The following ALDH1A3 variants were observed in gnomAD, a reference collection of about 807,000 sequenced individuals.
ALDH1A3 encodes retinaldehyde dehydrogenase 3.
Under a neutral mutation model 57.5 loss-of-function variants are expected in ALDH1A3, and 28 were observed. The observed-to-expected ratio is 0.49, with a 90% CI of 0.36 to 0.67. The LOEUF (loss-of-function observed/expected upper bound fraction) is 0.67. ALDH1A3 is among the 30% of genes least tolerant of loss of function. The pLI is 0.00. For missense variants in ALDH1A3, 507 were observed against 669.4 expected, an observed-to-expected ratio of 0.76 and a Z score of 2.68; for synonymous variants, 281 against 264.8, an observed-to-expected ratio of 1.06 and a Z score of -0.59.
Position 100,894,219 on chromosome 15 carries a change from T to C in ALDH1A3, c.666+137T>C. On this transcript the variant is annotated intron_variant, in intron 6 of 12. Coordinates refer to ENST00000329841, the MANE Select transcript of ALDH1A3 (RefSeq NM_000693.4). The surrounding 1 kb of genome is among the most constrained non-coding windows in gnomAD (Gnocchi z 4.5). ...AAGGGAATGACTTCCAGTGTTTTGT[T>C]TGGCGACTGCACGTTCTTTCTCCTG... The C allele has an allele frequency of 1.8e-6, 2 of 1,130,800 alleles. No individual in the cohort carries two copies. Among genetic ancestry groups the C allele is most frequent in the Non-Finnish European group, 2.5e-6 (2 of 798,168 alleles). The allele number at this position is 1,130,800 out of a possible 1,614,324, so 70.0% of individuals were successfully genotyped here.
At chr15:100,905,463 T>C (rs894937467) in intron 9 of ALDH1A3, 60 bp from the exon 10 acceptor site, 20 of 1,605,788 alleles carry the variant, frequency 1.2e-5, no homozygotes, top group Non-Finnish European at 1.7e-5. Flanking sequence ...ACTGAAAACA[T>C]GAGATGGCAG....
rs1482837332 is a variant in ALDH1A3, at chr15:100,879,890, A to C, written c.-18A>C. ...GCCGCAGACTAGGGCGCCTCGGGCC[A>C]GGGAGCGCGGAGGAGCCATGGCCAC... On this transcript the variant is annotated 5_prime_UTR_variant, in exon 1 of 13. Transcript: ENST00000329841. 24 of 1,396,780 alleles carry C rather than the reference A, an allele frequency of 1.7e-5. No individual in the cohort carries two copies. The East Asian group carries it at 6.8e-4, about 40-fold the overall frequency. 86.5% of individuals were successfully genotyped at this position (1,396,780 alleles called of 1,614,324 possible). A position where few individuals can be genotyped will look rare whatever the true frequency, so the allele number is the denominator to read the frequency against.
rs143921917 is a variant in ALDH1A3, at chr15:100,906,144, A to T, written c.1233+457A>T. The stretch of plus-strand genomic sequence containing the variant: ...AATTTCAAGTGTTCACTCAAGGAAC[A>T]TGTCACAGCTGGAATTTTTATTGAC... On this transcript the variant is annotated intron_variant, in intron 10 of 12. Coordinates refer to ENST00000329841, the MANE Select transcript of ALDH1A3 (RefSeq NM_000693.4). This position sits in a 1 kb window ranked among gnomAD's most constrained non-coding sequence, Gnocchi z 4.8. Among the ~76,000 whole-genome samples, 1 of 152,324 alleles carries T rather than the reference A, an allele frequency of 6.6e-6. No homozygotes were observed. Among genetic ancestry groups the T allele is most frequent in the East Asian group, 1.9e-4 (1 of 5,188 alleles).
chr15:100,901,794 T>C (rs1418395468), intron 9 of ALDH1A3, among the ~76,000 whole-genome samples: 2 of 152,244 alleles, frequency 1.3e-5, no homozygotes, highest in East Asian at 3.8e-4. Context: ...CAGGCTGTCC[T>C]GTGGGGATGC....
intron 1 of ALDH1A3, among the ~76,000 whole-genome samples, chr15:100,882,717 G>A (rs1035600836): frequency 6.6e-6 from 1 of 152,130 alleles, no homozygotes; most frequent in Non-Finnish European, 1.5e-5. Context: ...CCTCTATAAG[G>A]TTTGTTGTAT....
At chr15:100,881,033 C>G (rs1362232721) in intron 1 of ALDH1A3, 1 of 152,298 alleles carries the variant, frequency 6.6e-6, no homozygotes, top group Non-Finnish European at 1.5e-5. Context: ...GCCCCCAACT[C>G]CAGCTGACAC....
Position 100,900,663 on chromosome 15 carries a change from G to T in ALDH1A3, c.972G>T (p.Glu324Asp), listed in dbSNP as rs991644861. The T allele has an allele frequency of 1.2e-6, 2 of 1,614,012 alleles. No homozygotes were observed. Among genetic ancestry groups the T allele is most frequent in the African/African-American group, 2.7e-5 (2 of 74,920 alleles). The change falls in exon 9 of 13, where the codon GAG becomes GAT. Residue 324 changes from glutamate (E) to aspartate (D), a missense_variant. Physicochemically the swap from Glu to Asp is conservative, Grantham distance 45. This residue lies in a region of ALDH1A3 where 432 missense variants were observed against 608.4 expected (regional missense o/e 0.71). Coordinates refer to ENST00000329841, the MANE Select transcript of ALDH1A3 (RefSeq NM_000693.4). ...CTAASRVFVE[E>D]QVYSEFVRRS... ...CAGCCTCCAGGGTGTTCGTGGAGGA[G>T]CAGGTCTACTCTGAGTTTGTCAGGC...
At chr15:100,904,873 C>G (rs1001135682) in intron 9 of ALDH1A3, among the ~76,000 whole-genome samples, 1 of 152,172 alleles carries the variant, frequency 6.6e-6, no homozygotes, top group African/African-American at 2.4e-5. Flanking sequence ...GAGGCTCATT[C>G]TGCTTTGTCC....
chr15:100,910,527 C>G (rs72765008), intron 12 of ALDH1A3, among the ~76,000 whole-genome samples: 1 of 152,212 alleles, frequency 6.6e-6, no homozygotes, highest in East Asian at 1.9e-4. Flanking sequence ...ACCATCCTCA[C>G]GCCCATCCAT....
intron 1 of ALDH1A3, among the ~76,000 whole-genome samples, chr15:100,882,865 A>G (rs76604486): frequency 0.024 from 3,601 of 152,296 alleles, 134 homozygotes; most frequent in African/African-American, 0.082. Context: ...TTTTGTTTTA[A>G]TGGAGAGAAA....
chr15:100,892,265 C>T, intron 3 of ALDH1A3: 1 of 491,142 alleles, frequency 2.0e-6, no homozygotes, highest in Non-Finnish European at 3.5e-6. Context: ...GGGTGCATGT[C>T]TATGTTTTAG....
intron 9 of ALDH1A3, among the ~76,000 whole-genome samples, chr15:100,902,153 G>A (rs996607465): frequency 7.9e-5 from 12 of 152,330 alleles, no homozygotes; most frequent in Middle Eastern, 3.4e-3. Context: ...TTACCCCGTC[G>A]TTATTTGTAA....
At chr15:100,886,428 C>A (rs1190735095) in intron 2 of ALDH1A3, among the ~76,000 whole-genome samples, 1 of 152,184 alleles carries the variant, frequency 6.6e-6, no homozygotes, top group African/African-American at 2.4e-5. Flanking sequence ...AGTGACTGTT[C>A]TGAGCCAGAG....
intron 11 of ALDH1A3, 29 bp downstream of exon 11, chr15:100,907,307 C>T (rs766829787): frequency 1.1e-5 from 18 of 1,601,538 alleles, no homozygotes; most frequent in Non-Finnish European, 1.5e-5. Flanking sequence ...TATTTCAGCT[C>T]TCCTGAGTTG....
intron 12 of ALDH1A3, among the ~76,000 whole-genome samples, chr15:100,908,692 C>A (rs1036878207): frequency 3.9e-5 from 6 of 152,234 alleles, no homozygotes; most frequent in Non-Finnish European, 8.8e-5. Context: ...AGCCTGCCCC[C>A]CTCCAGGCCT....
chr15:100,914,702 G>A lies in ALDH1A3; in HGVS notation c.1468G>A (p.Gly490Ser). Residue 490 changes from glycine (G) to serine (S), a missense_variant and splice_region_variant, in exon 13 of 13, where the codon GGT becomes AGT. Physicochemically the swap from Gly to Ser is moderately conservative, Grantham distance 56 (BLOSUM62 0). This residue lies in a region of ALDH1A3 where 432 missense variants were observed against 608.4 expected (regional missense o/e 0.71). Coordinates refer to ENST00000329841, the MANE Select transcript of ALDH1A3 (RefSeq NM_000693.4). ...TTTTCCTCTTTTCTGTGATCACAGA[G>A]GTGAATACGCTTTGGCCGAATACAC... ...FKMSGNGREL[G>S]EYALAEYTEV... 6.2e-7 allele frequency: 1 copy of A among 1,613,916 alleles called. No individual in the cohort carries two copies. Among genetic ancestry groups the A allele is most frequent in the Non-Finnish European group, 8.5e-7 (1 of 1,179,940 alleles).
At chr15:100,890,613 G>T (rs2041639233) in intron 3 of ALDH1A3, among the ~76,000 whole-genome samples, 1 of 152,186 alleles carries the variant, frequency 6.6e-6, no homozygotes, top group Admixed American at 6.5e-5. Context: ...TCATTTCAGA[G>T]ATGAGAAACT....
rs71151987 is a variant in ALDH1A3 at position 100,907,844 on chromosome 15, CT to C, written c.1392-542del. Among the ~76,000 whole-genome samples, 426 of 81,922 alleles carry C rather than the reference CT, an allele frequency of 5.2e-3. 7 individuals carry two copies. Among genetic ancestry groups the C allele is most frequent in the African/African-American group, 0.02 (411 of 20,898 alleles). The allele number at this position is 81,922 out of a possible 152,430, so 53.7% of individuals were successfully genotyped here. On this transcript the variant is annotated intron_variant, in intron 11 of 12. Coordinates refer to ENST00000329841, the MANE Select transcript of ALDH1A3 (RefSeq NM_000693.4). ...GATTTTTCTTTTTCTTTCTTTCTTT[CT>C]TTTTTTTTTTTTTTTTTTTTTGAGA... is the stretch of plus-strand genomic sequence containing the variant.
rs1268300045 is a variant in ALDH1A3 at position 100,885,320 on chromosome 15, A to T, written c.153A>T (p.Thr51=). Residue 51 remains threonine, a synonymous_variant, in exon 2 of 13, where the codon ACA becomes ACT. Transcript: ENST00000329841. ...CCAAGAGTGGGAAAAAGTTTGCTACATGTAACCCTTCAACTCGGGAGCAAA... is the reference window on the plus strand; with the variant it reads ...CCAAGAGTGGGAAAAAGTTTGCTACTTGTAACCCTTCAACTCGGGAGCAAA... The part of the protein sequence containing the change: ...HESKSGKKFA[T]CNPSTREQIC... 6.2e-7 allele frequency: 1 copy of T among 1,613,992 alleles called. No homozygotes were observed. The highest frequency in any genetic ancestry group is 1.3e-5 in the African/African-American group (1 of 74,954).
Sources: allele counts gnomAD v4.1 joint callset (sites outside exome capture counted in the v4.1 genomes callset), GRCh38; gene constraint gnomAD v4.1.1; regional missense constraint gnomAD v4.1.1; non-coding constraint Gnocchi (gnomAD v3.1); transcripts MANE v1.5; gene names NCBI Gene and HGNC (gene_info 2026-07-23, HGNC 2026-07-21).